The following HIBCH variants were observed in gnomAD, a reference collection of about 807,000 sequenced individuals.
The protein encoded by HIBCH is 3-hydroxyisobutyryl-CoA hydrolase, also known as 3-hydroxyisobutyryl-CoA hydrolase, mitochondrial.
In HIBCH, 50 loss-of-function variants were observed where a neutral mutation model predicts 58.2. That is an observed-to-expected ratio of 0.86 (90% CI 0.68 to 1.09). The LOEUF (loss-of-function observed/expected upper bound fraction) is 1.09. HIBCH is among the 50% of genes least tolerant of loss of function. The pLI, the probability that HIBCH is intolerant of heterozygous loss-of-function variation, is 0.00. For missense variants in HIBCH, 450 were observed against 449.7 expected, an observed-to-expected ratio of 1.00 and a Z score of -0.01; for synonymous variants, 151 against 146.9, an observed-to-expected ratio of 1.03 and a Z score of -0.20.
chr2:190,294,100 T>G (rs1688042720), intron 4 of HIBCH, among the ~76,000 whole-genome samples: 1 of 147,784 alleles, frequency 6.8e-6, no homozygotes, highest in African/African-American at 2.5e-5. Flanking sequence ...GATGGTTGCT[T>G]TGGGATCTTG....
At chr2:190,316,870 A>G (rs76018175) in intron 1 of HIBCH, among the ~76,000 whole-genome samples, 3,839 of 152,300 alleles carry the variant, frequency 0.025, 77 homozygotes, top group Non-Finnish European at 0.041. Flanking sequence ...GATGGAGGAG[A>G]TGGAAAAGGC....
In HIBCH at chr2:190,304,928, AG is replaced by A. The variant is rs1688364172; in HGVS notation, c.78+5825del. 1.1e-4 allele frequency among the ~76,000 whole-genome samples: 16 copies of A among 152,326 alleles called. No individual in the cohort carries two copies. The South Asian group carries it at 3.3e-3, about 32-fold the overall frequency. On this transcript the variant is annotated intron_variant, in intron 2 of 13. Coordinates refer to ENST00000359678, the MANE Select transcript of HIBCH (RefSeq NM_014362.4). This position sits in a 1 kb window ranked among gnomAD's most constrained non-coding sequence, Gnocchi z 4.1. ...AGACACAGTATGCTTTAGTAAAAAAAGTGTTAGAATTGAAGCACAAAAAATC... is the reference window on the plus strand; with the variant it reads ...AGACACAGTATGCTTTAGTAAAAAAATGTTAGAATTGAAGCACAAAAAATC...
In HIBCH at chr2:190,296,742, A is replaced by C. The variant is rs1424381864; in HGVS notation, c.219+71T>G. 3 of 1,367,162 alleles carry C rather than the reference A, an allele frequency of 2.2e-6. No homozygotes were observed. The Admixed American group carries it at 5.1e-5, about 23-fold the overall frequency. 84.7% of individuals were successfully genotyped at this position (1,367,162 alleles called of 1,614,324 possible). On this transcript the variant is annotated intron_variant, in intron 3 of 13. Coordinates refer to ENST00000359678, the MANE Select transcript of HIBCH (RefSeq NM_014362.4). ...AGAATTATGTGATTCTATGGGAGAA[A>C]ATACCAGAAATGTCCTATTATGATA...
At chr2:190,228,954 C>G (rs997207456) in intron 11 of HIBCH, among the ~76,000 whole-genome samples, 2 of 152,150 alleles carry the variant, frequency 1.3e-5, no homozygotes, top group African/African-American at 2.4e-5. Context: ...TTGGGTAACA[C>G]CCCAAAGAAC....
chr2:190,208,797 C>T, intron 13 of HIBCH, 83 bp downstream of exon 13: 1 of 1,211,248 alleles, frequency 8.3e-7, no homozygotes, highest in South Asian at 1.2e-5. Context: ...ATTTGGGATG[C>T]ATAATCTGTA....
intron 5 of HIBCH, among the ~76,000 whole-genome samples, chr2:190,288,548 T>A (rs191601118): frequency 2.5e-4 from 37 of 151,010 alleles, no homozygotes; most frequent in African/African-American, 8.3e-4. Context: ...TCCATTAATG[T>A]AGAACAGATA....
chr2:190,199,834 C>T, downstream of HIBCH: 1 of 1,605,300 alleles, frequency 6.2e-7, no homozygotes, highest in Non-Finnish European at 8.5e-7. Flanking sequence ...TTTGCCACTG[C>T]TTCCTCCACA....
rs540404054 is a variant in HIBCH at position 190,209,137 on chromosome 2, T to C, written c.1012-224A>G. ...CTACAAATCATTGATCTTACTGAGGTCCACAGATCCTATGACTTTCTCCCC... is the reference window on the plus strand; with the variant it reads ...CTACAAATCATTGATCTTACTGAGGCCCACAGATCCTATGACTTTCTCCCC... On this transcript the variant is annotated intron_variant, in intron 12 of 13. Transcript: ENST00000359678. The surrounding 1 kb of genome is among the most constrained non-coding windows in gnomAD (Gnocchi z 5.6). Among the ~76,000 whole-genome samples the C allele has an allele frequency of 3.9e-5, 6 of 152,256 alleles. No individual in the cohort carries two copies. Among genetic ancestry groups the C allele is most frequent in the Non-Finnish European group, 8.8e-5 (6 of 68,006 alleles).
intron 5 of HIBCH, among the ~76,000 whole-genome samples, chr2:190,289,438 T>C (rs1258772389): frequency 6.6e-6 from 1 of 152,194 alleles, no homozygotes; most frequent in African/African-American, 2.4e-5. Flanking sequence ...AAATATTTAG[T>C]AAAAATGTCA....
chr2:190,218,500 C>T (rs147508049), intron 11 of HIBCH, among the ~76,000 whole-genome samples: 120 of 152,222 alleles, frequency 7.9e-4, no homozygotes, highest in African/African-American at 2.7e-3. Flanking sequence ...CCAAGCCCAC[C>T]CAGAATTACT....
intron 11 of HIBCH, among the ~76,000 whole-genome samples, chr2:190,238,868 G>C (rs1686365197): frequency 6.6e-6 from 1 of 152,146 alleles, no homozygotes; most frequent in South Asian, 2.1e-4. Flanking sequence ...CTGGATATTA[G>C]ACCTTTAGAT....
intron 11 of HIBCH, among the ~76,000 whole-genome samples, chr2:190,226,595 CAAAAAAA>C (rs752856547): frequency 2.4e-4 from 7 of 29,400 alleles, no homozygotes; most frequent in South Asian, 2.7e-3. Flanking sequence ...AACTCCGTCT[CAAAAAAA>C]AAAAAAAAAA....
intron 11 of HIBCH, among the ~76,000 whole-genome samples, chr2:190,230,502 C>G (rs1338137549): frequency 6.6e-6 from 1 of 152,210 alleles, no homozygotes. Context: ...CGAAACCAGC[C>G]TGGCCAATAA....
chr2:190,312,393 G>T (rs1688584181), intron 1 of HIBCH, among the ~76,000 whole-genome samples: 1 of 152,216 alleles, frequency 6.6e-6, no homozygotes, highest in Non-Finnish European at 1.5e-5. Context: ...ATGGAAAGAG[G>T]TCAAAGCTAG....
rs77886608 is a variant in HIBCH, at chr2:190,312,485, A to C, written c.36-1689T>G. Among the ~76,000 whole-genome samples, 628 of 152,294 alleles carry C rather than the reference A, an allele frequency of 4.1e-3. 25 individuals carry two copies. In the East Asian group the frequency reaches 0.097, roughly 23 times the overall value. ...AACTAATGGAACTGATAAACTGACA[A>C]TCTGTTAATTTTTCAAGAATACTCT... On this transcript the variant is annotated intron_variant, in intron 1 of 13. Coordinates refer to ENST00000359678, the MANE Select transcript of HIBCH (RefSeq NM_014362.4).
At chr2:190,257,943 A>G (rs953545723) in intron 7 of HIBCH, among the ~76,000 whole-genome samples, 2 of 152,218 alleles carry the variant, frequency 1.3e-5, no homozygotes, top group Admixed American at 6.5e-5. Flanking sequence ...CGACACATAC[A>G]AAAAAGCAAT....
chr2:190,263,171 G>A (rs182984289), intron 6 of HIBCH, among the ~76,000 whole-genome samples: 601 of 152,224 alleles, frequency 3.9e-3, no homozygotes, highest in African/African-American at 0.014. Context: ...AGGCTCCAAA[G>A]TCTTCAAGTT....
At chr2:190,200,786 G>C (rs777138953), downstream of HIBCH, 2 of 167,534 alleles carry the variant, frequency 1.2e-5, no homozygotes, top group African/African-American at 2.4e-5. Context: ...CCATCTTAGA[G>C]ATAACAGTTT....
In HIBCH at chr2:190,236,457, C is replaced by T. The variant is rs1686277477; in HGVS notation, c.891+8430G>A. ...TATTTTTCTAAGTAATCATCTTAAA[C>T]CTTACAAACATATATCTATAAATCA... On this transcript the variant is annotated intron_variant, in intron 11 of 13. Transcript: ENST00000359678. This position sits in a 1 kb window ranked among gnomAD's most constrained non-coding sequence, Gnocchi z 4.1. Among the ~76,000 whole-genome samples, 1 of 152,124 alleles carries T rather than the reference C, an allele frequency of 6.6e-6. No individual in the cohort carries two copies. Among genetic ancestry groups the T allele is most frequent in the Admixed American group, 6.6e-5 (1 of 15,264 alleles).
Sources: allele counts gnomAD v4.1 joint callset (sites outside exome capture counted in the v4.1 genomes callset), GRCh38; gene constraint gnomAD v4.1.1; non-coding constraint Gnocchi (gnomAD v3.1); transcripts MANE v1.5; gene names NCBI Gene and HGNC (gene_info 2026-07-23, HGNC 2026-07-21).